Variants in TIAM1 observed in about 807,000 individuals in gnomAD.
TIAM1 encodes the protein TIAM Rac1 associated GEF 1.
Under a neutral mutation model 163.5 loss-of-function variants are expected in TIAM1, and 65 were observed. The ratio of observed to expected loss-of-function variants is 0.40; its 90% CI spans 0.33 to 0.49. The LOEUF (loss-of-function observed/expected upper bound fraction) is 0.49, where lower values mean the gene tolerates loss of function less well. TIAM1 is among the 20% of genes least tolerant of loss of function. The pLI is 0.77. For missense variants in TIAM1, 1,789 were observed against 2,044.7 expected, an observed-to-expected ratio of 0.87 and a Z score of 2.41; for synonymous variants, 833 against 810.1, an observed-to-expected ratio of 1.03 and a Z score of -0.48.
intron 26 of TIAM1, 46 bp from the exon 27 acceptor site, chr21:31,124,740 C>A: frequency 6.8e-7 from 1 of 1,477,962 alleles, no homozygotes; most frequent in Non-Finnish European, 9.1e-7. Flanking sequence ...GGGCTTAACA[C>A]ATGGGGAACT....
chr21:31,207,263 G>T (rs2086498439), intron 11 of TIAM1, among the ~76,000 whole-genome samples: 1 of 152,192 alleles, frequency 6.6e-6, no homozygotes, highest in African/African-American at 2.4e-5. Context: ...ATGAAATGAA[G>T]ATCTTGAAAC....
At chr21:31,208,544 T>C (rs1284715974) in intron 11 of TIAM1, among the ~76,000 whole-genome samples, 1 of 152,202 alleles carries the variant, frequency 6.6e-6, no homozygotes, top group Non-Finnish European at 1.5e-5. Flanking sequence ...GATACCATTA[T>C]CTCCAAAAGC....
intron 1 of TIAM1, among the ~76,000 whole-genome samples, chr21:31,478,932 C>T (rs1275339740): frequency 6.6e-6 from 1 of 152,190 alleles, no homozygotes; most frequent in African/African-American, 2.4e-5. Context: ...ATCGAAGACT[C>T]AAGAAATATT....
chr21:31,254,222 G>A (rs958859413), intron 4 of TIAM1, among the ~76,000 whole-genome samples: 1 of 152,238 alleles, frequency 6.6e-6, no homozygotes, highest in Admixed American at 6.5e-5. Flanking sequence ...CAGAGCTCCA[G>A]AAGAGGAAGG....
At chr21:31,194,891 T>A (rs1158479643) in intron 13 of TIAM1, among the ~76,000 whole-genome samples, 1 of 152,224 alleles carries the variant, frequency 6.6e-6, no homozygotes, top group African/African-American at 2.4e-5. Flanking sequence ...ATGGAGGCTA[T>A]CCCATGCATG....
intron 2 of TIAM1, among the ~76,000 whole-genome samples, chr21:31,319,004 C>T (rs376724527): frequency 4.6e-5 from 7 of 152,218 alleles, no homozygotes; most frequent in Admixed American, 4.6e-4. Context: ...GCTACAATTA[C>T]AGGCCTATAC....
At chr21:31,291,102 C>T (rs1471026495) in intron 2 of TIAM1, among the ~76,000 whole-genome samples, 1 of 152,110 alleles carries the variant, frequency 6.6e-6, no homozygotes, top group African/African-American at 2.4e-5. Flanking sequence ...CAAGTCAAGA[C>T]AATACTGTGT....
intron 2 of TIAM1, among the ~76,000 whole-genome samples, chr21:31,411,712 G>A (rs1044707505): frequency 1.3e-5 from 2 of 152,156 alleles, no homozygotes; most frequent in Non-Finnish European, 2.9e-5. Flanking sequence ...CTGGCCTCAA[G>A]TGATCCATCC....
At chr21:31,347,691 T>C (rs988471101), upstream of TIAM1, among the ~76,000 whole-genome samples, 1 of 152,172 alleles carries the variant, frequency 6.6e-6, no homozygotes, top group African/African-American at 2.4e-5. Flanking sequence ...TGACGCTAAA[T>C]GATACAAAAA....
chr21:31,345,134 A>C (rs2076123631), upstream of TIAM1, among the ~76,000 whole-genome samples: 1 of 152,184 alleles, frequency 6.6e-6, no homozygotes, highest in Non-Finnish European at 1.5e-5. Flanking sequence ...AAAAGAAGAA[A>C]ACGGTAAATC....
intron 1 of TIAM1, among the ~76,000 whole-genome samples, chr21:31,473,786 A>G (rs2045841772): frequency 6.6e-6 from 1 of 152,176 alleles, no homozygotes; most frequent in Non-Finnish European, 1.5e-5. Context: ...AGTCTGAAAT[A>G]AGTTCCATAA....
intron 2 of TIAM1, among the ~76,000 whole-genome samples, chr21:31,403,108 T>C (rs933210768): frequency 2.6e-5 from 4 of 152,178 alleles, no homozygotes; most frequent in African/African-American, 9.7e-5. Flanking sequence ...TCAGAAGAAT[T>C]TGAATTATCC....
intron 1 of TIAM1, among the ~76,000 whole-genome samples, chr21:31,554,428 TG>T (rs1380300062): frequency 6.6e-6 from 1 of 152,122 alleles, no homozygotes; most frequent in African/African-American, 2.4e-5. Context: ...GAATTCAAAG[TG>T]GTCCCAAACA....
At chr21:31,556,823 G>A (rs183750270) in intron 1 of TIAM1, among the ~76,000 whole-genome samples, 2 of 152,130 alleles carry the variant, frequency 1.3e-5, no homozygotes, top group African/African-American at 4.8e-5. Context: ...AGCAACGTCG[G>A]TGTTTACCAC....
intron 19 of TIAM1, among the ~76,000 whole-genome samples, chr21:31,149,098 G>A (rs2083269301): frequency 6.6e-6 from 1 of 152,112 alleles, no homozygotes; most frequent in South Asian, 2.1e-4. Context: ...AGGCACACTA[G>A]TGTTCATGAG....
At chr21:31,468,082 T>A (rs2045596395) in intron 1 of TIAM1, among the ~76,000 whole-genome samples, 1 of 100,830 alleles carries the variant, frequency 9.9e-6, no homozygotes, top group African/African-American at 4.2e-5. Context: ...AGAGCGAAAC[T>A]CTTAAAAAAA....
At chr21:31,310,726 A>AC (rs1358556064) in intron 2 of TIAM1, among the ~76,000 whole-genome samples, 2 of 152,156 alleles carry the variant, frequency 1.3e-5, no homozygotes, top group Non-Finnish European at 2.9e-5. Context: ...CAATTTGGTG[A>AC]CCCCAAAATG....
At chr21:31,524,225 C>T (rs1351621202) in intron 1 of TIAM1, among the ~76,000 whole-genome samples, 6 of 152,030 alleles carry the variant, frequency 3.9e-5, no homozygotes, top group East Asian at 3.9e-4. Flanking sequence ...ACAAGAAGCA[C>T]GGCTTCTGGG....
At chr21:31,323,658 C>G (rs968761872) in intron 2 of TIAM1, among the ~76,000 whole-genome samples, 1 of 151,972 alleles carries the variant, frequency 6.6e-6, no homozygotes, top group African/African-American at 2.4e-5. Context: ...TGACAAAACC[C>G]CGTCTCTACT....
Sources: allele counts gnomAD v4.1 joint callset (sites outside exome capture counted in the v4.1 genomes callset), GRCh38; gene constraint gnomAD v4.1.1; transcripts MANE v1.5; gene names NCBI Gene and HGNC (gene_info 2026-07-23, HGNC 2026-07-21).